Variants in TRAP1 observed in about 807,000 individuals in gnomAD.
TRAP1 encodes the protein heat shock protein 75 kDa, mitochondrial.
Under a neutral mutation model 89.1 loss-of-function variants are expected in TRAP1, and 102 were observed. The ratio of observed to expected loss-of-function variants is 1.15; its 90% CI spans 0.98 to 1.35. The LOEUF is 1.35. Ranked by LOEUF, TRAP1 falls within the 40% of genes most tolerant of loss-of-function variation. The pLI, the probability that TRAP1 is intolerant of heterozygous loss-of-function variation, is 0.00. For missense variants in TRAP1, 1,256 were observed against 945.3 expected, an observed-to-expected ratio of 1.33 and a Z score of -4.31; for synonymous variants, 508 against 388.0, an observed-to-expected ratio of 1.31 and a Z score of -3.64.
intron 1 of TRAP1, among the ~76,000 whole-genome samples, chr16:3,707,420 C>T (rs957269778): frequency 1.3e-5 from 2 of 150,954 alleles, no homozygotes; most frequent in Non-Finnish European, 3.0e-5. Context: ...CTCCTGAACT[C>T]GTGATCCACC....
chr16:3,692,595 CT>C (rs202237111), intron 1 of TRAP1, among the ~76,000 whole-genome samples: 48,592 of 104,988 alleles, frequency 0.46, 9,935 homozygotes, highest in African/African-American at 0.58. Flanking sequence ...AAAAACTTGC[CT>C]TTTTTTTTTT....
At chr16:3,687,619 C>G (rs1309154107) in intron 3 of TRAP1, among the ~76,000 whole-genome samples, 1 of 152,088 alleles carries the variant, frequency 6.6e-6, no homozygotes, top group East Asian at 1.9e-4. Flanking sequence ...TGTGGTGGCT[C>G]ACACCTGTGA....
chr16:3,690,860 G>T lies in TRAP1; in HGVS notation c.214C>A (p.His72Asn). 1 of 1,571,190 alleles carries T rather than the reference G, an allele frequency of 6.4e-7. No homozygotes were observed. The highest frequency in any genetic ancestry group is 8.6e-7 in the Non-Finnish European group (1 of 1,158,548). Reference protein sequence around the residue: ...QTAEDKEEPLHSIISSTESVQ... With the variant: ...QTAEDKEEPLNSIISSTESVQ... ...CTCTCTGTGCTGCTGATAATCGAGT[G>T]CAGGGGTTCCTCCTTGTCCTCGGCG... The change falls in exon 2 of 18, where the codon CAC becomes AAC. Residue 72 changes from histidine (H) to asparagine (N), a missense_variant. His to Asn is a moderately conservative substitution (Grantham distance 68). Transcript: ENST00000246957.
At chr16:3,663,925 T>C (rs576010439) in intron 13 of TRAP1, 62 of 358,622 alleles carry the variant, frequency 1.7e-4, no homozygotes, top group African/African-American at 1.1e-3. Flanking sequence ...TTGCTGGGTG[T>C]GGTGGTGTGC....
At chr16:3,679,887 T>C (rs2051052549) in intron 4 of TRAP1, 97 bp from the exon 5 acceptor site, 1 of 1,228,190 alleles carries the variant, frequency 8.1e-7, no homozygotes. Flanking sequence ...GTCAATGACA[T>C]TGGCCAGACA....
Position 3,686,528 on chromosome 16 carries a change from G to C in TRAP1, c.331-392C>G, listed in dbSNP as rs546809071. ...CACAGGGTCTCGCTATGTTGCCCAG[G>C]CTGGTCTTGATCTCCCAGGCTCAAG... On this transcript the variant is annotated intron_variant, in intron 3 of 17. Transcript: ENST00000246957. Among the ~76,000 whole-genome samples the C allele has an allele frequency of 1.1e-4, 17 of 152,260 alleles. No individual in the cohort carries two copies. The East Asian group carries it at 3.1e-3, about 28-fold the overall frequency.
chr16:3,662,642 T>G, intron 15 of TRAP1: 1 of 675,312 alleles, frequency 1.5e-6, no homozygotes, highest in Non-Finnish European at 2.7e-6. Flanking sequence ...TGCTGGTTTT[T>G]CAGTTCTCAG....
intron 12 of TRAP1, chr16:3,665,222 AAAC>A (rs2050802651): frequency 2.0e-5 from 3 of 152,234 alleles, no homozygotes; most frequent in Admixed American, 2.0e-4. Flanking sequence ...CGAAGTCGGC[AAAC>A]AACCAGAACA....
intron 10 of TRAP1, 93 bp from the exon 11 acceptor site, chr16:3,671,884 C>T: frequency 7.4e-7 from 1 of 1,353,768 alleles, no homozygotes; most frequent in Non-Finnish European, 1.0e-6. Flanking sequence ...TCAGGCCTGG[C>T]CTTCAACCCA....
chr16:3,660,744 A>G (rs1382340589), intron 16 of TRAP1: 2 of 152,214 alleles, frequency 1.3e-5, no homozygotes, highest in Non-Finnish European at 2.9e-5. Context: ...AAAGAAAAAA[A>G]CTAGACATGT....
chr16:3,658,996 TTAATGATCATTTA>T lies in TRAP1; in HGVS notation c.1941-144_1941-132del, dbSNP rs2042900961. 3.5e-6 allele frequency: 3 copies of T among 845,330 alleles called. No individual in the cohort carries two copies. The African/African-American group carries it at 5.1e-5, about 14-fold the overall frequency. The allele number at this position is 845,330 out of a possible 1,614,324, so 52.4% of individuals were successfully genotyped here. A position where few individuals can be genotyped will look rare whatever the true frequency, so the allele number is the denominator to read the frequency against. ...TCTGTAGTTTTTTAAATAAGGTATGTTAATGATCATTTATAGATAATATCATTATATACCCAGA... is the reference window on the plus strand; with the variant it reads ...TCTGTAGTTTTTTAAATAAGGTATGTTAGATAATATCATTATATACCCAGA... On this transcript the variant is annotated intron_variant, in intron 16 of 17. Coordinates refer to ENST00000246957, the MANE Select transcript of TRAP1 (RefSeq NM_016292.3).
intron 13 of TRAP1, 69 bp from the exon 14 acceptor site, chr16:3,663,631 G>A: frequency 6.3e-7 from 1 of 1,593,758 alleles, no homozygotes; most frequent in Non-Finnish European, 8.5e-7. Flanking sequence ...AAAGGATGAG[G>A]GCGGCAGGAG....
At chr16:3,689,370 G>A (rs887127161) in intron 2 of TRAP1, among the ~76,000 whole-genome samples, 2 of 150,572 alleles carry the variant, frequency 1.3e-5, no homozygotes, top group Non-Finnish European at 1.5e-5. Flanking sequence ...TCAGCCTCCC[G>A]AGTAGCTGGG....
chr16:3,699,829 G>T (rs1169741651), intron 1 of TRAP1, among the ~76,000 whole-genome samples: 4 of 148,694 alleles, frequency 2.7e-5, no homozygotes, highest in Admixed American at 1.3e-4. Flanking sequence ...CATCACACAG[G>T]ACTAAATTCT....
intron 1 of TRAP1, among the ~76,000 whole-genome samples, chr16:3,706,456 CTTTTTTTT>C (rs34658116): frequency 1.3e-4 from 13 of 98,968 alleles, no homozygotes; most frequent in African/African-American, 5.2e-4. Flanking sequence ...TATTTGCACT[CTTTTTTTT>C]TTTTTTTTTT....
chr16:3,699,645 A>AAC (rs1239224437), intron 1 of TRAP1, among the ~76,000 whole-genome samples: 1 of 151,796 alleles, frequency 6.6e-6, no homozygotes, highest in Non-Finnish European at 1.5e-5. Flanking sequence ...AAAAAAAAAA[A>AAC]AAAAAAGATT....
intron 4 of TRAP1, among the ~76,000 whole-genome samples, chr16:3,685,360 A>G (rs28697882): frequency 0.024 from 3,705 of 152,220 alleles, 133 homozygotes; most frequent in African/African-American, 0.078. Flanking sequence ...TCACAAGTCC[A>G]TTCATTCACG....
chr16:3,685,918 C>T, intron 4 of TRAP1, 78 bp downstream of exon 4: 18 of 1,528,656 alleles, frequency 1.2e-5, no homozygotes, highest in South Asian at 2.5e-5. Context: ...CCCTGGGACC[C>T]GAGACATCAC....
Position 3,664,442 on chromosome 16 carries a change from C to T in TRAP1, c.1401G>A (p.Leu467=). The T allele has an allele frequency of 1.2e-6, 2 of 1,611,504 alleles. No homozygotes were observed. Among genetic ancestry groups the T allele is most frequent in the Non-Finnish European group, 1.7e-6 (2 of 1,179,074 alleles). ...EQEVKEDIAK[L]LRYESSALPS... ...GCAGCGCCGAGGACTCGTAGCGCAG[C>T]AGCTTTGCTATGTCCTCCTAGAAGG... is the stretch of plus-strand genomic sequence containing the variant. Residue 467 remains leucine, a synonymous_variant, in exon 13 of 18, where the codon CTG becomes CTA. Coordinates refer to ENST00000246957, the MANE Select transcript of TRAP1 (RefSeq NM_016292.3).
Sources: allele counts gnomAD v4.1 joint callset (sites outside exome capture counted in the v4.1 genomes callset), GRCh38; gene constraint gnomAD v4.1.1; transcripts MANE v1.5; gene names NCBI Gene and HGNC (gene_info 2026-07-23, HGNC 2026-07-21).